RABEP1: variants seen among roughly 807,000 people sequenced by gnomAD.
The protein encoded by RABEP1 is rabaptin, RAB GTPase binding effector protein 1.
A neutral mutation model predicts 123.4 loss-of-function variants in RABEP1; 51 were observed. The ratio of observed to expected loss-of-function variants is 0.41; its 90% CI spans 0.33 to 0.52. The LOEUF (loss-of-function observed/expected upper bound fraction) is 0.52, where lower values mean the gene tolerates loss of function less well. Ranked by LOEUF, RABEP1 falls within the 20% of genes least tolerant of loss-of-function variation. RABEP1 has a pLI of 0.16. For synonymous variants in RABEP1, 347 were observed against 355.2 expected (o/e 0.98, Z 0.26); for missense variants, 888 against 996.3 (o/e 0.89, Z 1.46).
chr17:5,366,844 C>A (rs1271412486), intron 11 of RABEP1, among the ~76,000 whole-genome samples: 1 of 151,578 alleles, frequency 6.6e-6, no homozygotes, highest in Non-Finnish European at 1.5e-5. Flanking sequence ...AATCCCAGCA[C>A]TTTGGGAGGC....
intron 13 of RABEP1, 40 bp downstream of exon 13, chr17:5,373,494 C>T (rs773836731): frequency 3.3e-5 from 51 of 1,560,942 alleles, no homozygotes; most frequent in South Asian, 3.1e-4. Flanking sequence ...TCAACAAGTA[C>T]GTTTTCTGAA....
At chr17:5,313,603 A>C (rs1202613160) in intron 2 of RABEP1, among the ~76,000 whole-genome samples, 3 of 152,210 alleles carry the variant, frequency 2.0e-5, no homozygotes, top group Admixed American at 1.3e-4. Context: ...CTGTGAATTA[A>C]AGAGCTTGTA....
chr17:5,284,463 T>A (rs2074958022), intron 1 of RABEP1, among the ~76,000 whole-genome samples: 1 of 151,872 alleles, frequency 6.6e-6, no homozygotes, highest in South Asian at 2.1e-4. Flanking sequence ...CTTGGGGATT[T>A]TAATTTTTTT....
At chr17:5,370,925 G>T (rs1910473499) in intron 12 of RABEP1, among the ~76,000 whole-genome samples, 2 of 151,146 alleles carry the variant, frequency 1.3e-5, no homozygotes, top group Admixed American at 1.3e-4. Flanking sequence ...CTCTGTGGTT[G>T]TATTAGGAAT....
At chr17:5,284,458 G>T in intron 1 of RABEP1, among the ~76,000 whole-genome samples, 1 of 151,886 alleles carries the variant, frequency 6.6e-6, no homozygotes, top group South Asian at 2.1e-4. Flanking sequence ...TTCATCTTGG[G>T]GATTTTAATT....
chr17:5,364,488 T>C (rs1909843680), intron 10 of RABEP1: 2 of 152,466 alleles, frequency 1.3e-5, no homozygotes, highest in Admixed American at 1.3e-4. Context: ...TCCCAGCACT[T>C]TGGGAGGCCG....
At position 5,380,881 on chromosome 17, in the gene RABEP1, CT is replaced by C. The variant is rs561635003; in HGVS notation, c.2370+421del. 2.1e-4 allele frequency among the ~76,000 whole-genome samples: 32 copies of C among 152,302 alleles called. No individual in the cohort carries two copies. In the South Asian group the frequency reaches 3.3e-3, roughly 16 times the overall value. On this transcript the variant is annotated intron_variant, in intron 16 of 17. Transcript: ENST00000537505. ...GTGGGGGTAGTTTCCTAGAAATGGT[CT>C]TAGTGAGCTGAGTGGTCAGACCTGA...
At chr17:5,332,209 T>C in intron 3 of RABEP1, 57 bp downstream of exon 3, 2 of 1,478,936 alleles carry the variant, frequency 1.4e-6, no homozygotes, top group South Asian at 1.2e-5. Context: ...TTCTGATGAT[T>C]GAGAATATTT....
chr17:5,319,297 C>G (rs2075328482), intron 2 of RABEP1, among the ~76,000 whole-genome samples: 1 of 145,118 alleles, frequency 6.9e-6, no homozygotes, highest in African/African-American at 2.5e-5. Context: ...CCACTGCACT[C>G]CAGCCTGGTG....
chr17:5,336,545 T>G (rs1597367219), intron 4 of RABEP1: 2 of 439,030 alleles, frequency 4.6e-6, no homozygotes, highest in Non-Finnish European at 8.8e-6. Context: ...GCCTCTTGGC[T>G]GTGACAGTTT....
At position 5,344,498 on chromosome 17, in the gene RABEP1, C is replaced by T. The variant is rs144872810; in HGVS notation, c.649-2292C>T. ...AAGAAAAACAGGTAAAGTGGCCGAG[C>T]GCAGTGGCTCGTGCCTGTAATCCCA... On this transcript the variant is annotated intron_variant, in intron 5 of 17. Transcript: ENST00000537505. 4.7e-4 allele frequency among the ~76,000 whole-genome samples: 72 copies of T among 152,132 alleles called. 1 individual carries two copies. The highest frequency in any genetic ancestry group is 1.6e-3 in the African/African-American group (68 of 41,506).
intron 4 of RABEP1, 77 bp downstream of exon 4, chr17:5,335,421 A>G: frequency 8.3e-7 from 1 of 1,203,542 alleles, no homozygotes; most frequent in African/African-American, 1.5e-5. Context: ...TGTAATAGAA[A>G]GTAATAGAAG....
At position 5,384,689 on chromosome 17, in the gene RABEP1, G is replaced by GCATTCATGGTTATGAATTTAAA. The variant is rs1238093442; in HGVS notation, c.*1467_*1488dup. The GCATTCATGGTTATGAATTTAAA allele has an allele frequency of 9.4e-6, 2 of 213,780 alleles. No individual in the cohort carries two copies. Among genetic ancestry groups the GCATTCATGGTTATGAATTTAAA allele is most frequent in the Non-Finnish European group, 1.9e-5 (2 of 106,196 alleles). The allele number at this position is 213,780 out of a possible 1,614,324, so 13.2% of individuals were successfully genotyped here. The stretch of plus-strand genomic sequence containing the variant: ...TCTCTTGGGTTATTATTGTAGTCTT[G>GCATTCATGGTTATGAATTTAAA]CATTCATGGTTATGAATTTAAAAAT... On this transcript the variant is annotated 3_prime_UTR_variant, in exon 18 of 18. Transcript: ENST00000537505.
chr17:5,372,309 G>A (rs1439616470), intron 12 of RABEP1, among the ~76,000 whole-genome samples: 4 of 152,110 alleles, frequency 2.6e-5, no homozygotes, highest in African/African-American at 9.7e-5. Context: ...GCTGGGCGTG[G>A]TGGTGCGTGC....
chr17:5,291,620 G>A (rs1157965683), intron 1 of RABEP1, among the ~76,000 whole-genome samples: 2 of 151,914 alleles, frequency 1.3e-5, no homozygotes, highest in African/African-American at 4.8e-5. Context: ...TTTTATTAGT[G>A]GTTTTGGCCA....
intron 1 of RABEP1, among the ~76,000 whole-genome samples, chr17:5,297,485 G>C (rs1397223559): frequency 6.6e-6 from 1 of 152,140 alleles, no homozygotes; most frequent in African/African-American, 2.4e-5. Flanking sequence ...TAATCATGGG[G>C]AAATCCAGCT....
intron 2 of RABEP1, among the ~76,000 whole-genome samples, chr17:5,324,499 G>C (rs1905770678): frequency 6.6e-6 from 1 of 152,112 alleles, no homozygotes; most frequent in Non-Finnish European, 1.5e-5. Context: ...AAAACACTTG[G>C]GAAACAGACA....
In RABEP1 at chr17:5,384,134, A is replaced by G. The variant is rs191782499; in HGVS notation, c.*911A>G. ...CGTACTACTTGTTTCAAATGTGTCA[A>G]ATACAAAAATGGTAACTAGGTTGAC... On this transcript the variant is annotated 3_prime_UTR_variant, in exon 18 of 18. Coordinates refer to ENST00000537505, the MANE Select transcript of RABEP1 (RefSeq NM_004703.6). 4.7e-6 allele frequency: 1 copy of G among 214,536 alleles called. No homozygotes were observed. The highest frequency in any genetic ancestry group is 2.3e-5 in the African/African-American group (1 of 44,344). 13.3% of individuals were successfully genotyped at this position (214,536 alleles called of 1,614,324 possible).
chr17:5,378,286 C>A, intron 15 of RABEP1, 54 bp downstream of exon 15: 3 of 1,425,404 alleles, frequency 2.1e-6, no homozygotes, highest in Non-Finnish European at 3.0e-6. Flanking sequence ...TATTTACTGA[C>A]TCCTACTATG....
Sources: allele counts gnomAD v4.1 joint callset (sites outside exome capture counted in the v4.1 genomes callset), GRCh38; gene constraint gnomAD v4.1.1; transcripts MANE v1.5; gene names NCBI Gene and HGNC (gene_info 2026-07-23, HGNC 2026-07-21).